DPP10: variants seen among roughly 807,000 people sequenced by gnomAD.
DPP10 encodes the protein dipeptidyl peptidase like 10.
DPP10 carries 33 observed loss-of-function variants against 120.9 expected under a neutral mutation model. The observed-to-expected ratio is 0.27, with a 90% CI of 0.21 to 0.37. The LOEUF (loss-of-function observed/expected upper bound fraction) is 0.37. Ranked by LOEUF, DPP10 falls within the 10% of genes least tolerant of loss-of-function variation. The pLI is 1.00. For synonymous variants in DPP10, 337 were observed against 326.1 expected, an observed-to-expected ratio of 1.03 and a Z score of -0.36; for missense variants, 816 against 942.8, an observed-to-expected ratio of 0.87 and a Z score of 1.76.
intron 1 of DPP10, among the ~76,000 whole-genome samples, chr2:115,112,632 A>G (rs763220960): frequency 6.6e-6 from 1 of 152,196 alleles, no homozygotes; most frequent in Non-Finnish European, 1.5e-5. Flanking sequence ...ATACTGCATG[A>G]TCTCACTTAT....
chr2:115,353,699 C>G (rs2064182863), intron 3 of DPP10, among the ~76,000 whole-genome samples: 1 of 152,076 alleles, frequency 6.6e-6, no homozygotes, highest in African/African-American at 2.4e-5. Flanking sequence ...GAAAACCCTT[C>G]TTAGGGAGGC....
At chr2:115,164,624 C>T (rs1045297439) in intron 1 of DPP10, among the ~76,000 whole-genome samples, 3 of 152,174 alleles carry the variant, frequency 2.0e-5, no homozygotes, top group African/African-American at 7.2e-5. Flanking sequence ...TATGAAACCT[C>T]AAAGATGCCT....
chr2:115,742,447 A>G lies in DPP10; in HGVS notation c.852+2554A>G, dbSNP rs114062053. Among the ~76,000 whole-genome samples the G allele has an allele frequency of 8.7e-3, 1,330 of 152,262 alleles. 13 individuals carry two copies. Among genetic ancestry groups the G allele is most frequent in the African/African-American group, 0.031 (1,274 of 41,552 alleles). ...ATATGTATAACTATATATGATAACT[A>G]CCATTAATATTTATTAGAAGTAAAA... On this transcript the variant is annotated intron_variant, in intron 9 of 25. Coordinates refer to ENST00000410059, the MANE Select transcript of DPP10 (RefSeq NM_020868.6).
intron 13 of DPP10, among the ~76,000 whole-genome samples, chr2:115,773,309 C>T (rs959048976): frequency 6.6e-6 from 1 of 151,998 alleles, no homozygotes; most frequent in Non-Finnish European, 1.5e-5. Flanking sequence ...TGTATTGATA[C>T]CCAATGTGTT....
chr2:115,161,714 G>C, intron 1 of DPP10: 1 of 392,846 alleles, frequency 2.5e-6, no homozygotes, highest in Non-Finnish European at 4.5e-6. Flanking sequence ...CTGCGCTTTG[G>C]GTGGCGGGGG....
intron 1 of DPP10, among the ~76,000 whole-genome samples, chr2:114,929,132 G>A (rs1036291696): frequency 1.3e-5 from 2 of 152,104 alleles, no homozygotes. Flanking sequence ...ATTTCAAAAG[G>A]GGAGGTAGGT....
At chr2:115,095,585 G>GA in intron 1 of DPP10, among the ~76,000 whole-genome samples, 1 of 86,260 alleles carries the variant, frequency 1.2e-5, no homozygotes, top group African/African-American at 4.3e-5. Flanking sequence ...TTTTTTTTTT[G>GA]TTTTTTTTTT....
intron 13 of DPP10, among the ~76,000 whole-genome samples, chr2:115,771,803 A>G (rs931931020): frequency 2.7e-4 from 41 of 152,158 alleles, no homozygotes; most frequent in African/African-American, 9.6e-4. Context: ...AGAGCTTACT[A>G]GTTCACTCAG....
chr2:115,355,852 G>T (rs998856522), intron 3 of DPP10, among the ~76,000 whole-genome samples: 5 of 152,268 alleles, frequency 3.3e-5, no homozygotes, highest in Admixed American at 1.3e-4. Flanking sequence ...GTTTGTAAAA[G>T]ATCAGATGGC....
At chr2:114,766,863 C>A (rs1397755659) in intron 1 of DPP10, among the ~76,000 whole-genome samples, 1 of 151,752 alleles carries the variant, frequency 6.6e-6, no homozygotes, top group Admixed American at 6.6e-5. Flanking sequence ...GTGGTAGTAA[C>A]ATGAATGAAG....
chr2:114,789,480 G>A (rs753294546), intron 1 of DPP10, among the ~76,000 whole-genome samples: 3 of 152,288 alleles, frequency 2.0e-5, no homozygotes, highest in Non-Finnish European at 4.4e-5. Context: ...GAACTGTGGA[G>A]GAGTTCACTT....
chr2:115,174,498 A>G (rs1447341305), intron 1 of DPP10, among the ~76,000 whole-genome samples: 3 of 152,240 alleles, frequency 2.0e-5, no homozygotes, highest in African/African-American at 7.2e-5. Context: ...CTTTGATAGC[A>G]GACAGAAATT....
chr2:114,636,377 C>T (rs544142621), intron 1 of DPP10, among the ~76,000 whole-genome samples: 12 of 152,076 alleles, frequency 7.9e-5, no homozygotes, highest in East Asian at 1.9e-4. Context: ...TGCCTGCAGG[C>T]GAGTGGCCTT....
At chr2:115,036,651 G>A (rs902897882) in intron 1 of DPP10, among the ~76,000 whole-genome samples, 8 of 152,120 alleles carry the variant, frequency 5.3e-5, no homozygotes, top group African/African-American at 1.9e-4. Context: ...GTGCTCGCCA[G>A]TTAAAGCTGC....
chr2:114,825,844 AAAAACTGT>A (rs1317816917), intron 1 of DPP10, among the ~76,000 whole-genome samples: 1 of 152,214 alleles, frequency 6.6e-6, no homozygotes, highest in African/African-American at 2.4e-5. Context: ...ATAATAAAGT[AAAAACTGT>A]AAGGTTGTGA....
At chr2:114,682,517 C>T (rs1461323220) in intron 1 of DPP10, among the ~76,000 whole-genome samples, 3 of 151,562 alleles carry the variant, frequency 2.0e-5, no homozygotes, top group African/African-American at 7.3e-5. Context: ...TCCATAGACC[C>T]ATAGCTAGAG....
At chr2:115,394,534 T>G (rs1203639014) in intron 3 of DPP10, among the ~76,000 whole-genome samples, 1 of 151,846 alleles carries the variant, frequency 6.6e-6, no homozygotes, top group Non-Finnish European at 1.5e-5. Flanking sequence ...TCCCAAACAT[T>G]AGTGAAACTG....
chr2:114,906,382 CA>C (rs1184226315), intron 1 of DPP10, among the ~76,000 whole-genome samples: 2,303 of 112,012 alleles, frequency 0.021, 28 homozygotes, highest in African/African-American at 0.057. Context: ...AGTTCTATCT[CA>C]AAAAAAAAAA....
intron 1 of DPP10, among the ~76,000 whole-genome samples, chr2:115,211,029 T>C (rs1439362585): frequency 1.3e-5 from 2 of 152,190 alleles, no homozygotes; most frequent in East Asian, 1.9e-4. Context: ...CCAAAAGCAA[T>C]ACATAATTAT....
Sources: gnomAD v4.1 joint callset for allele counts (sites outside exome capture counted in the v4.1 genomes callset) on GRCh38, gnomAD v4.1.1 for gene constraint, MANE v1.5 for transcripts, NCBI Gene and HGNC (gene_info 2026-07-23, HGNC 2026-07-21) for gene names.